CRACR2A: variants seen among roughly 807,000 people sequenced by gnomAD.
The protein encoded by CRACR2A is calcium release activated channel regulator 2A.
In CRACR2A, 79 loss-of-function variants were observed where a neutral mutation model predicts 90.5. The observed-to-expected ratio is 0.87, with a 90% CI of 0.73 to 1.05. The LOEUF (loss-of-function observed/expected upper bound fraction) is 1.05. Among genes scored for constraint, CRACR2A ranks in the 50% least tolerant of loss-of-function variants. The probability of loss-of-function intolerance (pLI) is 0.00; values close to 1 mark genes in which losing one functional copy is unlikely to be tolerated. For missense variants in CRACR2A, 823 were observed against 897.2 expected, an observed-to-expected ratio of 0.92 and a Z score of 1.06; for synonymous variants, 338 against 356.7, an observed-to-expected ratio of 0.95 and a Z score of 0.59.
chr12:3,690,011 C>T (rs1298553705), intron 4 of CRACR2A, among the ~76,000 whole-genome samples: 15 of 151,902 alleles, frequency 9.9e-5, no homozygotes, highest in Non-Finnish European at 2.2e-4. Context: ...TTTGCCATTA[C>T]TAATTGTGTT....
chr12:3,701,919 G>A (rs1945841110), intron 3 of CRACR2A, among the ~76,000 whole-genome samples: 1 of 152,066 alleles, frequency 6.6e-6, no homozygotes, highest in Non-Finnish European at 1.5e-5. Context: ...CATTCTTCAG[G>A]AAATTGTAAC....
intron 7 of CRACR2A, among the ~76,000 whole-genome samples, chr12:3,665,626 T>C (rs1945120435): frequency 6.6e-6 from 1 of 152,220 alleles, no homozygotes. Context: ...CACTGCTCTA[T>C]AGCTCCTTCA....
chr12:3,615,504 G>A, intron 19 of CRACR2A, 65 bp from the exon 20 acceptor site: 3 of 1,368,810 alleles, frequency 2.2e-6, no homozygotes, highest in Non-Finnish European at 2.0e-6. Context: ...CTGGCAACCT[G>A]GACAAGCTAC....
intron 1 of CRACR2A, among the ~76,000 whole-genome samples, chr12:3,745,285 T>C (rs1018288430): frequency 1.3e-5 from 2 of 152,082 alleles, no homozygotes; most frequent in Non-Finnish European, 2.9e-5. Flanking sequence ...GTGTTATCCC[T>C]GATGGTATCT....
Position 3,648,588 on chromosome 12 carries a change from G to T in CRACR2A, c.1072C>A (p.Leu358Ile). Reference protein sequence around the residue: ...EMEVYRVTESLQREKAGLLKQ... With the variant: ...EMEVYRVTESIQREKAGLLKQ... ...AGGAGCCCGGCCTTCTCACGCTGTA[G>T]ACTCTCCGTCACACGGTACACTTCC... The change falls in exon 11 of 20, where the codon CTA (leucine) becomes ATA (isoleucine). Residue 358 changes from leucine to isoleucine, a missense_variant. Physicochemically the swap from Leu to Ile is conservative, Grantham distance 5. Transcript: ENST00000440314. 1 of 1,614,132 alleles carries T rather than the reference G, an allele frequency of 6.2e-7. No homozygotes were observed. The highest frequency in any genetic ancestry group is 1.3e-5 in the African/African-American group (1 of 75,052).
chr12:3,644,751 C>G (rs1368745520), intron 11 of CRACR2A, 111 bp from the exon 12 acceptor site: 2 of 941,540 alleles, frequency 2.1e-6, no homozygotes, highest in Non-Finnish European at 3.4e-6. Flanking sequence ...GTATGGAAGA[C>G]AGGGGAGTCT....
chr12:3,633,837 G>A lies in CRACR2A; in HGVS notation c.1603-101C>T. On this transcript the variant is annotated intron_variant, in intron 14 of 19. Coordinates refer to ENST00000440314, the MANE Select transcript of CRACR2A (RefSeq NM_001144958.2). This position sits in a 1 kb window ranked among gnomAD's most constrained non-coding sequence, Gnocchi z 4.5. ...TACCCATCCCTACAGTGGCCCTCAG[G>A]AGGTGCAGACCGGCCTCTAGACCTG... 1.3e-6 allele frequency: 2 copies of A among 1,497,446 alleles called. No homozygotes were observed. The highest frequency in any genetic ancestry group is 1.8e-6 in the Non-Finnish European group (2 of 1,114,106). 92.8% of individuals were successfully genotyped at this position (1,497,446 alleles called of 1,614,324 possible).
intron 11 of CRACR2A, chr12:3,648,224 T>C: frequency 8.1e-7 from 1 of 1,229,306 alleles, no homozygotes; most frequent in Non-Finnish European, 1.0e-6. Context: ...CTAGCATAGA[T>C]TAAATGCTCA....
intron 3 of CRACR2A, among the ~76,000 whole-genome samples, chr12:3,697,427 C>T (rs1182330715): frequency 6.6e-6 from 1 of 152,168 alleles, no homozygotes. Context: ...ACATTTTTTT[C>T]ATGTAATTCT....
chr12:3,696,706 C>G (rs1945745442), intron 4 of CRACR2A, 66 bp downstream of exon 4: 10 of 1,606,244 alleles, frequency 6.2e-6, no homozygotes, highest in Non-Finnish European at 7.7e-6. Flanking sequence ...ACGGGGCAAG[C>G]TCTAACCCAA....
chr12:3,745,850 G>GA (rs1946617703), intron 1 of CRACR2A, among the ~76,000 whole-genome samples: 1 of 101,960 alleles, frequency 9.8e-6, no homozygotes, highest in South Asian at 3.6e-4. Flanking sequence ...GAAGAGAAAA[G>GA]AAAAAAGAAA....
intron 1 of CRACR2A, among the ~76,000 whole-genome samples, chr12:3,749,795 TTGTGTGTGTGTG>T (rs200387314): frequency 0.11 from 16,365 of 144,624 alleles, 943 homozygotes; most frequent in Middle Eastern, 0.2. Flanking sequence ...TGCTGTTTCT[TTGTGTGTGTGTG>T]TGTGTGTGTG....
chr12:3,745,038 A>G (rs1162511050), intron 1 of CRACR2A, among the ~76,000 whole-genome samples: 4 of 152,220 alleles, frequency 2.6e-5, no homozygotes, highest in Admixed American at 2.0e-4. Flanking sequence ...AGACAGTCCA[A>G]TAAAAATAAC....
rs1211047743 is a variant in CRACR2A, at chr12:3,687,549, AG to A, written c.229-7201del. Reference sequence around the variant, plus strand: ...GATCTTGTTCTTTTTATGGCTGCATAGTATTCCATGGTGTATATGTATCAGA... The same window carrying A: ...GATCTTGTTCTTTTTATGGCTGCATATATTCCATGGTGTATATGTATCAGA... On this transcript the variant is annotated intron_variant, in intron 4 of 19. Coordinates refer to ENST00000440314, the MANE Select transcript of CRACR2A (RefSeq NM_001144958.2). Among the ~76,000 whole-genome samples the A allele has an allele frequency of 3.3e-5, 5 of 152,228 alleles. No homozygotes were observed. In the South Asian group the frequency reaches 6.2e-4, roughly 19 times the overall value.
chr12:3,680,310 C>T lies in CRACR2A; in HGVS notation c.268G>A (p.Glu90Lys), dbSNP rs1404798788. 2 of 1,614,210 alleles carry T rather than the reference C, an allele frequency of 1.2e-6. No individual in the cohort carries two copies. The highest frequency in any genetic ancestry group is 1.3e-5 in the African/African-American group (1 of 75,058). Residue 90 changes from glutamate (E) to lysine (K), a missense_variant, in exon 5 of 20, where the codon GAG (glutamate) becomes AAG (lysine). Coordinates refer to ENST00000440314, the MANE Select transcript of CRACR2A (RefSeq NM_001144958.2). ...GCATCCAGGGCATCAAACACATCCT[C>T]CAGTTCCTCCAGGCTGAGCGGTAGC... ...KELPLSLEEL[E>K]DVFDALDADG... is the part of the protein sequence containing the mutation.
chr12:3,660,829 A>AACACACACACACAC (rs58293233), intron 7 of CRACR2A, among the ~76,000 whole-genome samples: 3 of 119,624 alleles, frequency 2.5e-5, no homozygotes, highest in Non-Finnish European at 5.1e-5. Context: ...CTGAACATGC[A>AACACACACACACAC]ACACACACAC....
intron 1 of CRACR2A, among the ~76,000 whole-genome samples, chr12:3,739,552 T>C (rs1037660058): frequency 6.6e-5 from 10 of 152,240 alleles, no homozygotes; most frequent in African/African-American, 2.2e-4. Context: ...TTTCAAATTG[T>C]ACAAATATGA....
At chr12:3,624,290 C>T (rs1324613399) in intron 17 of CRACR2A, among the ~76,000 whole-genome samples, 9 of 152,172 alleles carry the variant, frequency 5.9e-5, no homozygotes, top group African/African-American at 2.2e-4. Context: ...TTAAAGCTCC[C>T]CCTCCACCCT....
chr12:3,620,692 T>C lies in CRACR2A; in HGVS notation c.1933-1320A>G, dbSNP rs540259985. 1.2e-4 allele frequency among the ~76,000 whole-genome samples: 18 copies of C among 152,342 alleles called. No individual in the cohort carries two copies. The South Asian group carries it at 3.3e-3, about 28-fold the overall frequency. Reference sequence around the variant, plus strand: ...CAACCTTTTCCTCTAGATTCTTATTTCCAATCAAGTCTCTGCTACTTAGTA... The same window carrying C: ...CAACCTTTTCCTCTAGATTCTTATTCCCAATCAAGTCTCTGCTACTTAGTA... On this transcript the variant is annotated intron_variant, in intron 17 of 19. Transcript: ENST00000440314.
Sources: allele counts gnomAD v4.1 joint callset (sites outside exome capture counted in the v4.1 genomes callset), GRCh38; gene constraint gnomAD v4.1.1; non-coding constraint Gnocchi (gnomAD v3.1); transcripts MANE v1.5; gene names NCBI Gene and HGNC (gene_info 2026-07-23, HGNC 2026-07-21).